Variants in SLC24A2 observed in about 807,000 individuals in gnomAD.
The protein encoded by SLC24A2 is sodium/potassium/calcium exchanger 2.
SLC24A2 carries 36 observed loss-of-function variants against 62.0 expected under a neutral mutation model. The observed-to-expected ratio is 0.58, with a 90% CI of 0.44 to 0.77. The LOEUF (loss-of-function observed/expected upper bound fraction) is 0.77, where lower values mean the gene tolerates loss of function less well. Ranked by LOEUF, SLC24A2 falls within the 30% of genes least tolerant of loss-of-function variation. SLC24A2 has a pLI of 0.00. For missense variants in SLC24A2, 846 were observed against 817.9 expected (o/e 1.03, Z -0.42); for synonymous variants, 358 against 294.0 (o/e 1.22, Z -2.23).
the SLC24A2 span, among the ~76,000 whole-genome samples, chr9:20,041,245 A>C: frequency 6.6e-6 from 1 of 152,246 alleles, no homozygotes; most frequent in African/African-American, 2.4e-5. Context: ...ACAAAGCAGC[A>C]GCCCCTCCTC....
chr9:19,656,275 C>G (rs1818939583), intron 2 of SLC24A2, among the ~76,000 whole-genome samples: 1 of 152,166 alleles, frequency 6.6e-6, no homozygotes, highest in Non-Finnish European at 1.5e-5. Context: ...GATGGAAATA[C>G]TAAAAACTAA....
the SLC24A2 span, among the ~76,000 whole-genome samples, chr9:19,865,260 A>G: frequency 6.6e-6 from 1 of 152,150 alleles, no homozygotes; most frequent in East Asian, 1.9e-4. Context: ...CATACTATCC[A>G]AAGTAATCTA....
chr9:19,800,345 CTATAT>C, the SLC24A2 span, among the ~76,000 whole-genome samples: 1 of 152,180 alleles, frequency 6.6e-6, no homozygotes, highest in African/African-American at 2.4e-5. Flanking sequence ...CTCTATTAGT[CTATAT>C]CTTCACTTTT....
intron 2 of SLC24A2, among the ~76,000 whole-genome samples, chr9:19,687,757 T>C (rs1182212910): frequency 6.6e-6 from 1 of 152,064 alleles, no homozygotes; most frequent in Non-Finnish European, 1.5e-5. Context: ...CTTTCAGCTG[T>C]CTTGATTAGC....
the SLC24A2 span, among the ~76,000 whole-genome samples, chr9:19,946,639 C>T: frequency 6.6e-6 from 1 of 152,222 alleles, no homozygotes; most frequent in Non-Finnish European, 1.5e-5. Flanking sequence ...TGTGCTTAAG[C>T]ACAGTGCCTG....
chr9:19,509,782 A>T lies in SLC24A2; in HGVS notation c.*6371T>A, dbSNP rs1832647989. ...TTTGGTTAGCTGAGTATTTTGGAGA[A>T]CTGTTAGTCTCCAAGGCCTTAGTTA... is the stretch of plus-strand genomic sequence containing the variant. On this transcript the variant is annotated 3_prime_UTR_variant, in exon 11 of 11. Transcript: ENST00000341998. 6.6e-6 allele frequency: 1 copy of T among 152,156 alleles called. No individual in the cohort carries two copies. The highest frequency in any genetic ancestry group is 6.6e-5 in the Admixed American group (1 of 15,264). The allele number at this position is 152,156 out of a possible 1,614,324, so 9.4% of individuals were successfully genotyped here. A position where few individuals can be genotyped will look rare whatever the true frequency, so the allele number is the denominator to read the frequency against.
the SLC24A2 span, among the ~76,000 whole-genome samples, chr9:20,256,867 G>C: frequency 6.6e-6 from 1 of 151,438 alleles, no homozygotes; most frequent in Non-Finnish European, 1.5e-5. Context: ...TAGTCCCCAA[G>C]GGTAGAAAGA....
At chr9:19,823,402 C>T in the SLC24A2 span, among the ~76,000 whole-genome samples, 1 of 151,902 alleles carries the variant, frequency 6.6e-6, no homozygotes, top group South Asian at 2.1e-4. Flanking sequence ...CTAAATATTT[C>T]AGCTTGTGTT....
the SLC24A2 span, among the ~76,000 whole-genome samples, chr9:20,291,417 G>A: frequency 6.6e-6 from 1 of 152,152 alleles, no homozygotes; most frequent in Admixed American, 6.5e-5. Context: ...GGAGATCAGG[G>A]CCATGTAATG....
At chr9:20,290,754 A>T in the SLC24A2 span, among the ~76,000 whole-genome samples, 1 of 152,236 alleles carries the variant, frequency 6.6e-6, no homozygotes, top group Non-Finnish European at 1.5e-5. Context: ...GTGGAAGTCC[A>T]GTGCAGGCAT....
At chr9:19,785,444 C>T (rs1390328459) in intron 2 of SLC24A2, among the ~76,000 whole-genome samples, 1 of 152,194 alleles carries the variant, frequency 6.6e-6, no homozygotes, top group Non-Finnish European at 1.5e-5. Flanking sequence ...ATGACAAGCC[C>T]TGCTGGGCTA....
At chr9:20,171,305 A>T in the SLC24A2 span, among the ~76,000 whole-genome samples, 4 of 50,492 alleles carry the variant, frequency 7.9e-5, no homozygotes, top group South Asian at 7.1e-4. Context: ...AAAATACAAT[A>T]AAAAAAAACA....
At chr9:19,625,175 A>T (rs1885221) in intron 2 of SLC24A2, among the ~76,000 whole-genome samples, 101,530 of 152,010 alleles carry the variant, frequency 0.67, 34,777 homozygotes, top group East Asian at 0.88. Flanking sequence ...CTTATGATGC[A>T]TTTTGCTTTT....
the SLC24A2 span, among the ~76,000 whole-genome samples, chr9:20,077,912 T>C: frequency 6.6e-6 from 1 of 152,052 alleles, no homozygotes; most frequent in Non-Finnish European, 1.5e-5. Flanking sequence ...GACAGGAAAA[T>C]ATATCATAGA....
intron 4 of SLC24A2, among the ~76,000 whole-genome samples, chr9:19,609,029 A>G (rs1164114570): frequency 6.6e-6 from 1 of 152,196 alleles, no homozygotes; most frequent in East Asian, 1.9e-4. Context: ...CACTTTCTCC[A>G]GGAACACTTC....
the SLC24A2 span, among the ~76,000 whole-genome samples, chr9:19,909,349 G>A: frequency 1.2e-4 from 19 of 152,156 alleles, no homozygotes; most frequent in Admixed American, 1.1e-3. Flanking sequence ...CGGGGAGGGC[G>A]GAGGGATAGC....
intron 2 of SLC24A2, among the ~76,000 whole-genome samples, chr9:19,708,004 C>T (rs1018513254): frequency 2.0e-5 from 3 of 152,176 alleles, no homozygotes; most frequent in African/African-American, 7.2e-5. Flanking sequence ...ATCTATAAAA[C>T]CCCATTGTCT....
At chr9:20,121,392 G>T in the SLC24A2 span, among the ~76,000 whole-genome samples, 1 of 151,824 alleles carries the variant, frequency 6.6e-6, no homozygotes, top group Non-Finnish European at 1.5e-5. Flanking sequence ...ATACCACCTT[G>T]CAAATATTTG....
the SLC24A2 span, among the ~76,000 whole-genome samples, chr9:19,829,846 T>G: frequency 6.9e-6 from 1 of 144,464 alleles, no homozygotes; most frequent in African/African-American, 2.5e-5. Flanking sequence ...CACACATATA[T>G]AGAACTTTTT....
Sources: allele counts gnomAD v4.1 joint callset (sites outside exome capture counted in the v4.1 genomes callset), GRCh38; gene constraint gnomAD v4.1.1; transcripts MANE v1.5; gene names NCBI Gene and HGNC (gene_info 2026-07-23, HGNC 2026-07-21).